The following GLDC variants were observed in gnomAD, a reference collection of about 807,000 sequenced individuals.
The protein encoded by GLDC is glycine decarboxylase.
A neutral mutation model predicts 121.3 loss-of-function variants in GLDC; 104 were observed. The ratio of observed to expected loss-of-function variants is 0.86; its 90% CI spans 0.73 to 1.01. The LOEUF (loss-of-function observed/expected upper bound fraction) is 1.01, where lower values mean the gene tolerates loss of function less well. Among genes scored for constraint, GLDC ranks in the 50% least tolerant of loss-of-function variants. GLDC has a pLI of 0.00. For synonymous variants in GLDC, 546 were observed against 480.6 expected (o/e 1.14, Z -1.78); for missense variants, 1,429 against 1,306.6 (o/e 1.09, Z -1.44).
chr9:6,626,653 C>T (rs1040366270), intron 2 of GLDC, among the ~76,000 whole-genome samples: 3 of 143,144 alleles, frequency 2.1e-5, no homozygotes. Flanking sequence ...TCCCTAGACT[C>T]TCAAGTAAAG....
intron 15 of GLDC, among the ~76,000 whole-genome samples, chr9:6,566,174 C>T (rs567587032): frequency 1.8e-4 from 28 of 152,162 alleles, no homozygotes; most frequent in African/African-American, 6.0e-4. Flanking sequence ...GTCTGTGAGG[C>T]GGAGACTGCA....
At chr9:6,556,869 G>C (rs748586251) in intron 17 of GLDC, among the ~76,000 whole-genome samples, 3 of 152,136 alleles carry the variant, frequency 2.0e-5, no homozygotes, top group South Asian at 4.2e-4. Context: ...CAGACCAAAA[G>C]GACTATTCAC....
chr9:6,591,168 C>T (rs915355369), intron 11 of GLDC, among the ~76,000 whole-genome samples: 1 of 152,188 alleles, frequency 6.6e-6, no homozygotes, highest in African/African-American at 2.4e-5. Flanking sequence ...GAAAGCAACT[C>T]ATTACACTGA....
At chr9:6,552,372 C>A (rs1301898939) in intron 20 of GLDC, among the ~76,000 whole-genome samples, 2 of 152,274 alleles carry the variant, frequency 1.3e-5, no homozygotes, top group East Asian at 1.9e-4. Flanking sequence ...ATTTACAGAA[C>A]CCAGAGATCA....
chr9:6,603,931 T>C lies in GLDC; in HGVS notation c.1058+657A>G, dbSNP rs111274871. Among the ~76,000 whole-genome samples the C allele has an allele frequency of 2.8e-3, 426 of 152,202 alleles. 1 individual carries two copies. The highest frequency in any genetic ancestry group is 9.9e-3 in the African/African-American group (412 of 41,552). On this transcript the variant is annotated intron_variant, in intron 7 of 24. Coordinates refer to ENST00000321612, the MANE Select transcript of GLDC (RefSeq NM_000170.3). ...TTTTAGTAAAGACAGGGTTTCACCA[T>C]ATTGGCCAGGCTCGTCTGGGACTCC...
chr9:6,621,854 G>C (rs186786673), intron 2 of GLDC, among the ~76,000 whole-genome samples: 7 of 152,214 alleles, frequency 4.6e-5, no homozygotes, highest in Non-Finnish European at 1.0e-4. Flanking sequence ...ACATCATTTG[G>C]TTCTTTCTTT....
rs1587972751 is a variant in GLDC, at chr9:6,620,324, T to C, written c.335-5A>G. 6.2e-7 allele frequency: 1 copy of C among 1,612,950 alleles called. No individual in the cohort carries two copies. Among genetic ancestry groups the C allele is most frequent in the Non-Finnish European group, 8.5e-7 (1 of 1,178,932 alleles). The stretch of plus-strand genomic sequence containing the variant: ...TTGCAAGGATTTCATTTTCACCTAA[T>C]TGTGGGAAAAAGAGAAATGTTACAG... On this transcript the variant is annotated splice_region_variant and splice_polypyrimidine_tract_variant and intron_variant, in intron 2 of 24. Coordinates refer to ENST00000321612, the MANE Select transcript of GLDC (RefSeq NM_000170.3).
At chr9:6,598,677 T>C (rs1487498744) in intron 8 of GLDC, among the ~76,000 whole-genome samples, 2 of 152,194 alleles carry the variant, frequency 1.3e-5, no homozygotes, top group African/African-American at 4.8e-5. Context: ...GTAATTCTTG[T>C]ATGCAATCAA....
At chr9:6,570,821 T>C in intron 15 of GLDC, among the ~76,000 whole-genome samples, 1 of 129,650 alleles carries the variant, frequency 7.7e-6, no homozygotes, top group Non-Finnish European at 1.5e-5. Flanking sequence ...ACCACTGCAC[T>C]CCAGCCTGCG....
intron 21 of GLDC, among the ~76,000 whole-genome samples, chr9:6,549,406 C>T (rs1232238743): frequency 2.6e-5 from 4 of 152,094 alleles, no homozygotes; most frequent in Admixed American, 2.6e-4. Context: ...GGAGGTGGAG[C>T]CACACGGCAG....
At chr9:6,604,831 G>T in intron 6 of GLDC, 47 bp from the exon 7 acceptor site, 2 of 1,444,632 alleles carry the variant, frequency 1.4e-6, no homozygotes, top group Non-Finnish European at 2.0e-6. Flanking sequence ...ACCTTTCCCT[G>T]AGAGTAGTGG....
intron 18 of GLDC, 161 bp from the exon 19 acceptor site, chr9:6,554,942 C>G (rs961447122): frequency 2.9e-6 from 2 of 686,168 alleles, no homozygotes; most frequent in Non-Finnish European, 5.3e-6. Context: ...TGGCCCAGTT[C>G]CGTAGTCACA....
intron 3 of GLDC, among the ~76,000 whole-genome samples, chr9:6,614,535 G>A (rs1818930529): frequency 1.3e-5 from 2 of 150,884 alleles, no homozygotes; most frequent in South Asian, 4.2e-4. Context: ...ACGCCCAGCT[G>A]AAGCCCTGGG....
rs150149798 is a variant in GLDC, at chr9:6,533,027, G to A, written c.3053C>T (p.Ala1018Val). The change falls in exon 25 of 25, where the codon GCG (alanine) becomes GTG (valine). Residue 1018 changes from alanine to valine, a missense_variant. Coordinates refer to ENST00000321612, the MANE Select transcript of GLDC (RefSeq NM_000170.3). ...YESPFSEQKR[A>V]SS is the part of the protein sequence containing the mutation. ...CTTAGGGACAGAGGACTAAGAAGAC[G>A]CCCTCTTTTGTTCAGAAAATGGAGA... is the stretch of plus-strand genomic sequence containing the variant. The A allele has an allele frequency of 9.9e-5, 159 of 1,609,610 alleles. 1 individual carries two copies. The highest frequency in any genetic ancestry group is 3.5e-4 in the South Asian group (32 of 90,952).
At position 6,637,985 on chromosome 9, in the gene GLDC, A is replaced by G. The variant is rs936889470; in HGVS notation, c.334+6629T>C. On this transcript the variant is annotated intron_variant, in intron 2 of 24. Coordinates refer to ENST00000321612, the MANE Select transcript of GLDC (RefSeq NM_000170.3). ...ATTACAGGTGTCAGCCTGTAATCTC[A>G]TCACTTTTAAAACAAATATTTTCAC... 3.3e-5 allele frequency among the ~76,000 whole-genome samples: 5 copies of G among 151,840 alleles called. No homozygotes were observed. In the East Asian group the frequency reaches 5.8e-4, roughly 18 times the overall value.
intron 10 of GLDC, among the ~76,000 whole-genome samples, 184 bp downstream of exon 10, chr9:6,592,667 G>A (rs1209660467): frequency 6.6e-6 from 1 of 152,174 alleles, no homozygotes; most frequent in African/African-American, 2.4e-5. Context: ...AGAAAGCAAA[G>A]GGTGAATGAT....
intron 3 of GLDC, among the ~76,000 whole-genome samples, chr9:6,613,094 T>C (rs747557771): frequency 6.6e-6 from 1 of 152,222 alleles, no homozygotes; most frequent in Non-Finnish European, 1.5e-5. Context: ...TTTCTTTTTA[T>C]TGTATGTTCC....
At chr9:6,578,702 G>C (rs1017086684) in intron 15 of GLDC, among the ~76,000 whole-genome samples, 3 of 151,888 alleles carry the variant, frequency 2.0e-5, no homozygotes, top group Non-Finnish European at 4.4e-5. Flanking sequence ...ACCATGCTAG[G>C]CTAATTTTTT....
At chr9:6,556,680 C>A (rs1170710884) in intron 17 of GLDC, among the ~76,000 whole-genome samples, 1 of 151,820 alleles carries the variant, frequency 6.6e-6, no homozygotes, top group Non-Finnish European at 1.5e-5. Flanking sequence ...GTAATCCCAG[C>A]TACTTAGGAG....
Sources: allele counts gnomAD v4.1 joint callset (sites outside exome capture counted in the v4.1 genomes callset), GRCh38; gene constraint gnomAD v4.1.1; transcripts MANE v1.5; gene names NCBI Gene and HGNC (gene_info 2026-07-23, HGNC 2026-07-21).